Variants in EFHC2 observed in about 807,000 individuals in gnomAD.
EFHC2 encodes EF-hand domain containing 2, also known as EF-hand domain-containing family member C2.
Under a neutral mutation model 52.7 loss-of-function variants are expected in EFHC2, and 18 were observed. That is an observed-to-expected ratio of 0.34 (90% CI 0.24 to 0.51). The LOEUF (loss-of-function observed/expected upper bound fraction) is 0.51, where lower values mean the gene tolerates loss of function less well. Ranked by LOEUF, EFHC2 falls within the 20% of genes least tolerant of loss-of-function variation. The probability of loss-of-function intolerance (pLI) is 0.97; values close to 1 mark genes in which losing one functional copy is unlikely to be tolerated. For missense variants in EFHC2, 513 were observed against 562.5 expected, an observed-to-expected ratio of 0.91 and a Z score of 0.89; for synonymous variants, 203 against 204.1, an observed-to-expected ratio of 0.99 and a Z score of 0.04.
chrX:44,238,565 T>C (rs753617143), intron 8 of EFHC2, among the ~76,000 whole-genome samples: 15 of 111,176 alleles, frequency 1.3e-4, no homozygotes, highest in Non-Finnish European at 2.8e-4. Context: ...TACACTCTCA[T>C]CTCCTCTCTG....
intron 11 of EFHC2, among the ~76,000 whole-genome samples, chrX:44,199,212 TG>T (rs2036988801): frequency 8.9e-6 from 1 of 112,497 alleles, no homozygotes; most frequent in Admixed American, 9.4e-5. Flanking sequence ...ACATGAGATC[TG>T]CTTGTTTAAA....
chrX:44,190,207 T>C (rs1444466665), intron 11 of EFHC2, among the ~76,000 whole-genome samples: 1 of 111,768 alleles, frequency 8.9e-6, no homozygotes, highest in Non-Finnish European at 1.9e-5. Context: ...AAAGTCATCC[T>C]GGTAGTGTCC....
chrX:44,297,352 A>C (rs2037833312), intron 2 of EFHC2, among the ~76,000 whole-genome samples: 1 of 110,619 alleles, frequency 9.0e-6, no homozygotes, highest in Admixed American at 9.7e-5. Flanking sequence ...AATTTCAGAC[A>C]ACACTCCATT....
intron 3 of EFHC2, among the ~76,000 whole-genome samples, chrX:44,270,697 A>G (rs1006507814): frequency 9.0e-6 from 1 of 111,351 alleles, no homozygotes; most frequent in Non-Finnish European, 1.9e-5. Context: ...TGAGGCCTCA[A>G]TTTGGCCACT....
intron 2 of EFHC2, among the ~76,000 whole-genome samples, chrX:44,299,946 TA>T (rs34923614): frequency 2.5e-4 from 28 of 111,831 alleles, no homozygotes; most frequent in African/African-American, 8.8e-4. Context: ...AAAATTACTT[TA>T]AAAAAAATTT....
In EFHC2 at chrX:44,148,808, A is replaced by G; in HGVS notation, c.2237T>C (p.Leu746Ser). ...AAACTGGCATGGTTATTCCTCCTCT[A>G]AGCCAAACGCGTCCTTCAAAAAGGT... ...YWTFLKDAFGLEEE is the reference protein window; with the variant it reads ...YWTFLKDAFGSEEE Residue 746 changes from leucine to serine, a missense_variant, in exon 15 of 15, where the codon TTA (leucine) becomes TCA (serine). Physicochemically the swap from Leu to Ser is moderately radical, Grantham distance 145. Coordinates refer to ENST00000420999, the MANE Select transcript of EFHC2 (RefSeq NM_025184.4). 8.5e-7 allele frequency: 1 copy of G among 1,181,793 alleles called. No individual in the cohort carries two copies. The highest frequency in any genetic ancestry group is 1.1e-6 in the Non-Finnish European group (1 of 879,525).
chrX:44,204,185 A>T (rs1397431284), intron 11 of EFHC2, among the ~76,000 whole-genome samples: 1 of 109,154 alleles, frequency 9.2e-6, no homozygotes, highest in Non-Finnish European at 1.9e-5. Context: ...CCCTCAAAGG[A>T]AAAAAGAATA....
intron 11 of EFHC2, among the ~76,000 whole-genome samples, chrX:44,183,562 T>C (rs1008131666): frequency 7.2e-5 from 8 of 110,444 alleles, no homozygotes; most frequent in Admixed American, 3.9e-4. Context: ...TCACAGAGAG[T>C]CCGACACAAA....
intron 14 of EFHC2, among the ~76,000 whole-genome samples, chrX:44,158,172 C>T (rs949891742): frequency 9.0e-6 from 1 of 111,723 alleles, no homozygotes; most frequent in Non-Finnish European, 1.9e-5. Flanking sequence ...TAACATCCAT[C>T]CTATCCATTC....
At chrX:44,199,833 G>A (rs2147294749) in intron 11 of EFHC2, among the ~76,000 whole-genome samples, 1 of 112,004 alleles carries the variant, frequency 8.9e-6, no homozygotes, top group Admixed American at 9.4e-5. Context: ...GTCCAACTAT[G>A]AGAAAACATC....
At chrX:44,295,218 GA>G (rs1039774740) in intron 2 of EFHC2, among the ~76,000 whole-genome samples, 2 of 111,730 alleles carry the variant, frequency 1.8e-5, no homozygotes, top group African/African-American at 6.5e-5. Context: ...AAGGGTTTAT[GA>G]AAATGCTCCA....
intron 11 of EFHC2, among the ~76,000 whole-genome samples, chrX:44,228,829 C>T (rs1013089626): frequency 2.7e-5 from 3 of 111,751 alleles, no homozygotes; most frequent in Non-Finnish European, 5.6e-5. Flanking sequence ...CTGCATCAAG[C>T]GGAGTTTACT....
At chrX:44,343,509 A>G in intron 1 of EFHC2, 38 bp downstream of exon 1, 1 of 1,177,767 alleles carries the variant, frequency 8.5e-7, no homozygotes, top group Non-Finnish European at 1.1e-6. Flanking sequence ...CCCAGACTCC[A>G]GCCGGGAGCT....
At chrX:44,202,947 G>C (rs1001193188) in intron 11 of EFHC2, among the ~76,000 whole-genome samples, 1 of 110,842 alleles carries the variant, frequency 9.0e-6, no homozygotes, top group Non-Finnish European at 1.9e-5. Context: ...ATGGAGAGAC[G>C]GGTCATCTCT....
At chrX:44,205,611 C>T (rs1313191923) in intron 11 of EFHC2, among the ~76,000 whole-genome samples, 2 of 110,876 alleles carry the variant, frequency 1.8e-5, no homozygotes, top group Admixed American at 9.6e-5. Context: ...TTTAAACCAA[C>T]GACATTAAAA....
rs188235186 is a variant in EFHC2 at position 44,337,963 on chromosome X, G to A, written c.42+5584C>T. The stretch of plus-strand genomic sequence containing the variant: ...ATTTATTATCACAGATTGTGCTAAT[G>A]TACCATGGGCTATAGATATAGTTTT... On this transcript the variant is annotated intron_variant, in intron 1 of 14. Coordinates refer to ENST00000420999, the MANE Select transcript of EFHC2 (RefSeq NM_025184.4). Among the ~76,000 whole-genome samples the A allele has an allele frequency of 1.1e-4, 12 of 111,556 alleles. No homozygotes were observed. The East Asian group carries it at 3.4e-3, about 32-fold the overall frequency.
intron 14 of EFHC2, among the ~76,000 whole-genome samples, chrX:44,161,607 C>T (rs1311290624): frequency 8.9e-6 from 1 of 111,790 alleles, no homozygotes; most frequent in African/African-American, 3.3e-5. Flanking sequence ...GATGTGCCTA[C>T]AAAGGTCAGC....
chrX:44,194,439 T>C lies in EFHC2; in HGVS notation c.1752-15875A>G, dbSNP rs777428543. Among the ~76,000 whole-genome samples, 9 of 111,868 alleles carry C rather than the reference T, an allele frequency of 8.0e-5. 1 individual carries two copies. The highest frequency in any genetic ancestry group is 1.7e-4 in the Non-Finnish European group (9 of 53,219). ...ATCATTTTCAATCCAGATAATGTAA[T>C]GAGAACTTGTTCTTGGCTCCTTGTT... On this transcript the variant is annotated intron_variant, in intron 11 of 14. Transcript: ENST00000420999.
chrX:44,229,967 A>G (rs1480934340), intron 10 of EFHC2, among the ~76,000 whole-genome samples, 188 bp from the exon 11 acceptor site: 1 of 109,913 alleles, frequency 9.1e-6, no homozygotes, highest in Non-Finnish European at 1.9e-5. Context: ...GCTTCTGGAC[A>G]ACAGCTGACA....
Sources: allele counts gnomAD v4.1 joint callset (sites outside exome capture counted in the v4.1 genomes callset), GRCh38; gene constraint gnomAD v4.1.1; transcripts MANE v1.5; gene names NCBI Gene and HGNC (gene_info 2026-07-23, HGNC 2026-07-21).